The following CERS6 variants were observed in gnomAD, a reference collection of about 807,000 sequenced individuals.
The protein encoded by CERS6 is ceramide synthase 6.
Under a neutral mutation model 56.8 loss-of-function variants are expected in CERS6, and 26 were observed. The ratio of observed to expected loss-of-function variants is 0.46; its 90% CI spans 0.34 to 0.63. CERS6 has a LOEUF of 0.63. Ranked by LOEUF, CERS6 falls within the 30% of genes least tolerant of loss-of-function variation. The pLI, the probability that CERS6 is intolerant of heterozygous loss-of-function variation, is 0.01. For missense variants in CERS6, 415 were observed against 467.5 expected (o/e 0.89, Z 1.04); for synonymous variants, 164 against 173.3 (o/e 0.95, Z 0.42).
chr2:168,672,338 A>G (rs1337102623), intron 4 of CERS6, among the ~76,000 whole-genome samples: 2 of 152,226 alleles, frequency 1.3e-5, no homozygotes, highest in African/African-American at 4.8e-5. Context: ...TACCTGAAGA[A>G]TCAGGTATTT....
At chr2:168,742,700 T>C (rs903494771) in intron 8 of CERS6, among the ~76,000 whole-genome samples, 2 of 152,208 alleles carry the variant, frequency 1.3e-5, no homozygotes, top group African/African-American at 2.4e-5. Flanking sequence ...CAGGTGGGAA[T>C]GGCCTTGGTC....
chr2:168,673,048 G>C (rs570151944), intron 4 of CERS6, among the ~76,000 whole-genome samples: 1 of 152,302 alleles, frequency 6.6e-6, no homozygotes, highest in South Asian at 2.1e-4. Flanking sequence ...TGTCTTATTA[G>C]TATTGAGTAA....
intron 8 of CERS6, among the ~76,000 whole-genome samples, chr2:168,754,478 T>C (rs1684363674): frequency 6.6e-6 from 1 of 152,166 alleles, no homozygotes. Context: ...AGGCCTGCAG[T>C]GCAGATGAGG....
At chr2:168,752,737 T>C (rs1449765284) in intron 8 of CERS6, among the ~76,000 whole-genome samples, 1 of 152,210 alleles carries the variant, frequency 6.6e-6, no homozygotes, top group African/African-American at 2.4e-5. Context: ...TTCAGTGTGC[T>C]CAGGAGGCAG....
In CERS6 at chr2:168,671,361, G is replaced by A. The variant is rs75966854; in HGVS notation, c.466-19673G>A. ...TTTTTATACCACTTGTTAAAGTGGC[G>A]TCATTTAAATAAATATAATCTGAAG... On this transcript the variant is annotated intron_variant, in intron 4 of 9. Transcript: ENST00000305747. 1.6e-3 allele frequency among the ~76,000 whole-genome samples: 245 copies of A among 152,224 alleles called. 8 individuals are homozygous for A. In the East Asian group the frequency reaches 0.036, roughly 23 times the overall value.
chr2:168,615,091 T>C (rs925741040), intron 3 of CERS6, among the ~76,000 whole-genome samples: 2 of 152,056 alleles, frequency 1.3e-5, no homozygotes, highest in African/African-American at 4.8e-5. Flanking sequence ...GTAGACCTGC[T>C]GGGTGGCTAG....
chr2:168,766,765 G>C (rs1684741939), intron 9 of CERS6, among the ~76,000 whole-genome samples: 2 of 152,198 alleles, frequency 1.3e-5, no homozygotes, highest in South Asian at 4.1e-4. Context: ...CTGTGGGCCT[G>C]ACCTGCCTGG....
chr2:168,486,023 TG>T (rs1340761474), intron 1 of CERS6, among the ~76,000 whole-genome samples: 2 of 152,218 alleles, frequency 1.3e-5, no homozygotes. Flanking sequence ...CAGCATTTTT[TG>T]TTTTAGTATT....
At chr2:168,620,062 C>CACACACACATACATAT (rs1439012361) in intron 3 of CERS6, among the ~76,000 whole-genome samples, 2 of 70,078 alleles carry the variant, frequency 2.9e-5, no homozygotes, top group East Asian at 6.8e-4. Flanking sequence ...CACACACACA[C>CACACACACATACATAT]ATATTTATAT....
In CERS6 at chr2:168,598,138, G is replaced by A. The variant is rs73969278; in HGVS notation, c.408-32847G>A. Among the ~76,000 whole-genome samples the A allele has an allele frequency of 6.8e-3, 1,042 of 152,304 alleles. 13 individuals are homozygous for A. Among genetic ancestry groups the A allele is most frequent in the African/African-American group, 0.024 (988 of 41,572 alleles). On this transcript the variant is annotated intron_variant, in intron 3 of 9. Transcript: ENST00000305747. Reference sequence around the variant, plus strand: ...CCTAGAGATAATGCCTTAAGTATTTGTTAAATTTCTTTGCTCCCTTAGAAT... The same window carrying A: ...CCTAGAGATAATGCCTTAAGTATTTATTAAATTTCTTTGCTCCCTTAGAAT...
chr2:168,621,043 A>C (rs1315773791), intron 3 of CERS6, among the ~76,000 whole-genome samples: 1 of 152,174 alleles, frequency 6.6e-6, no homozygotes, highest in Non-Finnish European at 1.5e-5. Context: ...AATCAAATGT[A>C]CATGCTTTTT....
intron 1 of CERS6, among the ~76,000 whole-genome samples, chr2:168,530,916 T>A (rs1439383888): frequency 1.3e-5 from 2 of 152,240 alleles, no homozygotes; most frequent in Non-Finnish European, 2.9e-5. Flanking sequence ...TTCTTGTGAA[T>A]CGTTTTTAGC....
chr2:168,718,099 A>T (rs767297046), intron 8 of CERS6, 121 bp downstream of exon 8: 8 of 653,486 alleles, frequency 1.2e-5, no homozygotes, highest in Non-Finnish European at 2.1e-5. Context: ...GGGGAGGGGA[A>T]ATACCTCAAG....
intron 8 of CERS6, among the ~76,000 whole-genome samples, chr2:168,743,995 C>CTTTTTTTTTTTTTTTTTTTTTT (rs58256507): frequency 9.5e-5 from 6 of 63,414 alleles, no homozygotes; most frequent in Admixed American, 2.3e-4. Context: ...TCTTTTTTTT[C>CTTTTTTTTTTTTTTTTTTTTTT]TTTTTTTTTT....
chr2:168,504,802 T>C (rs1402863933), intron 1 of CERS6, among the ~76,000 whole-genome samples: 1 of 152,086 alleles, frequency 6.6e-6, no homozygotes, highest in African/African-American at 2.4e-5. Flanking sequence ...AAATCATTAA[T>C]AATGGGCTGT....
chr2:168,672,812 C>G (rs1480705855), intron 4 of CERS6, among the ~76,000 whole-genome samples: 1 of 152,106 alleles, frequency 6.6e-6, no homozygotes, highest in African/African-American at 2.4e-5. Flanking sequence ...CTTGCAGCTC[C>G]TCCCCCAAAA....
chr2:168,625,141 G>T (rs1352894350), intron 3 of CERS6, among the ~76,000 whole-genome samples: 1 of 152,120 alleles, frequency 6.6e-6, no homozygotes, highest in Non-Finnish European at 1.5e-5. Flanking sequence ...TTTAGATGAT[G>T]GAAAAGCTGA....
At position 168,630,327 on chromosome 2, in the gene CERS6, C is replaced by T. The variant is rs568230572; in HGVS notation, c.408-658C>T. ...ACACACACACACACACACACACACA[C>T]GCACACATCTTATATTTTAAAAGAC... On this transcript the variant is annotated intron_variant, in intron 3 of 9. Transcript: ENST00000305747. Among the ~76,000 whole-genome samples, 168 of 85,104 alleles carry T rather than the reference C, an allele frequency of 2.0e-3. 2 individuals carry two copies. The East Asian group carries it at 0.036, about 18-fold the overall frequency. The allele number at this position is 85,104 out of a possible 152,430, so 55.8% of individuals were successfully genotyped here.
At position 168,588,267 on chromosome 2, in the gene CERS6, G is replaced by A. The variant is rs371246479; in HGVS notation, c.407+26945G>A. 7.2e-5 allele frequency among the ~76,000 whole-genome samples: 11 copies of A among 151,992 alleles called. No individual in the cohort carries two copies. In the South Asian group the frequency reaches 1.0e-3, roughly 14 times the overall value. On this transcript the variant is annotated intron_variant, in intron 3 of 9. Coordinates refer to ENST00000305747, the MANE Select transcript of CERS6 (RefSeq NM_203463.3). ...AAATAGACATAGCATAAAACTTACCGTCTTACCCATTTTTAAGTGTACAAT... is the reference window on the plus strand; with the variant it reads ...AAATAGACATAGCATAAAACTTACCATCTTACCCATTTTTAAGTGTACAAT...
Sources: allele counts gnomAD v4.1 joint callset (sites outside exome capture counted in the v4.1 genomes callset), GRCh38; gene constraint gnomAD v4.1.1; transcripts MANE v1.5; gene names NCBI Gene and HGNC (gene_info 2026-07-23, HGNC 2026-07-21).